CNGB3: variants seen among roughly 807,000 people sequenced by gnomAD.
CNGB3 encodes the protein cyclic nucleotide gated channel subunit beta 3.
CNGB3 carries 86 observed loss-of-function variants against 92.8 expected under a neutral mutation model. The observed-to-expected ratio is 0.93, with a 90% CI of 0.78 to 1.11. CNGB3 has a LOEUF of 1.11. Ranked by LOEUF, CNGB3 falls within the 50% of genes least tolerant of loss-of-function variation. The pLI is 0.00. For missense variants in CNGB3, 1,026 were observed against 956.8 expected, an observed-to-expected ratio of 1.07 and a Z score of -0.95; for synonymous variants, 333 against 332.7, an observed-to-expected ratio of 1.00 and a Z score of -0.01.
At chr8:86,739,167 A>C (rs2131683345) in intron 2 of CNGB3, among the ~76,000 whole-genome samples, 1 of 152,328 alleles carries the variant, frequency 6.6e-6, no homozygotes, top group East Asian at 1.9e-4. Flanking sequence ...ATCCCTGTAG[A>C]ATCGAGTGTG....
At chr8:86,736,247 A>C (rs2131680851) in intron 2 of CNGB3, among the ~76,000 whole-genome samples, 1 of 152,306 alleles carries the variant, frequency 6.6e-6, no homozygotes, top group East Asian at 1.9e-4. Context: ...CTATCTTTAA[A>C]CACTAATAAT....
chr8:86,702,864 T>G (rs527360550), intron 3 of CNGB3, among the ~76,000 whole-genome samples: 9 of 152,048 alleles, frequency 5.9e-5, no homozygotes, highest in Non-Finnish European at 8.8e-5. Context: ...TCTTCTATTT[T>G]TTAAAATAGG....
intron 3 of CNGB3, among the ~76,000 whole-genome samples, chr8:86,721,815 A>C (rs777485888): frequency 1.3e-5 from 2 of 152,166 alleles, no homozygotes; most frequent in African/African-American, 4.8e-5. Context: ...TATTTCAACT[A>C]TGAAGTCACA....
At chr8:86,587,562 C>A (rs1821925778) in intron 15 of CNGB3, among the ~76,000 whole-genome samples, 1 of 152,074 alleles carries the variant, frequency 6.6e-6, no homozygotes, top group Non-Finnish European at 1.5e-5. Flanking sequence ...ATATGGCTAG[C>A]CAGTTTTCCC....
chr8:86,636,879 G>T (rs1823082644), intron 10 of CNGB3, among the ~76,000 whole-genome samples: 1 of 152,024 alleles, frequency 6.6e-6, no homozygotes, highest in South Asian at 2.1e-4. Flanking sequence ...TGTTTATTTT[G>T]CTAGGCATAA....
At chr8:86,633,743 T>C (rs758139048) in intron 10 of CNGB3, among the ~76,000 whole-genome samples, 44 of 152,350 alleles carry the variant, frequency 2.9e-4, no homozygotes, top group Non-Finnish European at 4.4e-4. Flanking sequence ...GTGGGAATAT[T>C]ATAGAGATCA....
intron 10 of CNGB3, among the ~76,000 whole-genome samples, chr8:86,637,436 A>G (rs1823093031): frequency 6.6e-6 from 1 of 152,184 alleles, no homozygotes; most frequent in South Asian, 2.1e-4. Context: ...TACTTTAGCT[A>G]TTCGGGGTCT....
At chr8:86,689,610 G>A (rs915084056) in intron 3 of CNGB3, among the ~76,000 whole-genome samples, 5 of 150,062 alleles carry the variant, frequency 3.3e-5, no homozygotes, top group Admixed American at 6.7e-5. Context: ...TGTGCACAAC[G>A]TGCAGGTTTG....
rs188701405 is a variant in CNGB3, at chr8:86,691,941, T to C, written c.339-20843A>G. On this transcript the variant is annotated intron_variant, in intron 3 of 17. Transcript: ENST00000320005. Reference sequence around the variant, plus strand: ...GGGTTATGTCACTATTATTGTTCAGTTCAAATAATTTTTTAATGTTCATCT... The same window carrying C: ...GGGTTATGTCACTATTATTGTTCAGCTCAAATAATTTTTTAATGTTCATCT... Among the ~76,000 whole-genome samples, 28 of 152,284 alleles carry C rather than the reference T, an allele frequency of 1.8e-4. No individual in the cohort carries two copies. The East Asian group carries it at 5.4e-3, about 29-fold the overall frequency.
chr8:86,638,377 A>G (rs957346994), intron 10 of CNGB3, among the ~76,000 whole-genome samples: 1 of 152,106 alleles, frequency 6.6e-6, no homozygotes, highest in African/African-American at 2.4e-5. Flanking sequence ...TTATCCTAAC[A>G]CCTGGCATTG....
In CNGB3 at chr8:86,579,204, G is replaced by A. The variant is rs1434074707; in HGVS notation, c.1830C>T (p.Ala610=). The A allele has an allele frequency of 1.2e-6, 2 of 1,614,058 alleles. No individual in the cohort carries two copies. The highest frequency in any genetic ancestry group is 1.7e-6 in the Non-Finnish European group (2 of 1,180,004). ...GGNRRTANVV[A]HGFANLLTLD... is the part of the protein sequence containing the mutation. ...GAGTTAAAAGATTGGCAAACCCGTGGGCCACCACATTGGCAGTTCGACGGT... is the reference window on the plus strand; with the variant it reads ...GAGTTAAAAGATTGGCAAACCCGTGAGCCACCACATTGGCAGTTCGACGGT... Residue 610 remains alanine, a synonymous_variant, in exon 16 of 18, where the codon GCC becomes GCT. Coordinates refer to ENST00000320005, the MANE Select transcript of CNGB3 (RefSeq NM_019098.5).
chr8:86,712,352 T>G (rs1824765498), intron 3 of CNGB3, among the ~76,000 whole-genome samples: 1 of 152,158 alleles, frequency 6.6e-6, no homozygotes. Flanking sequence ...TTTTGAATTT[T>G]AGGACATAAT....
At chr8:86,705,312 G>A (rs771885071) in intron 3 of CNGB3, among the ~76,000 whole-genome samples, 2 of 151,966 alleles carry the variant, frequency 1.3e-5, no homozygotes, top group Non-Finnish European at 2.9e-5. Context: ...AGTCCAAATT[G>A]TACTATGCAC....
intron 10 of CNGB3, among the ~76,000 whole-genome samples, chr8:86,642,008 C>T (rs1478383431): frequency 2.0e-5 from 3 of 151,676 alleles, no homozygotes; most frequent in Non-Finnish European, 2.9e-5. Context: ...TGTTACAATG[C>T]AGATTTGGCC....
intron 14 of CNGB3, among the ~76,000 whole-genome samples, chr8:86,608,494 C>G (rs1391879398): frequency 6.6e-6 from 1 of 152,202 alleles, no homozygotes; most frequent in African/African-American, 2.4e-5. Context: ...TTAGAGAAGA[C>G]TCTGCTCCTC....
At chr8:86,600,608 T>G (rs907456117) in intron 15 of CNGB3, among the ~76,000 whole-genome samples, 7 of 150,466 alleles carry the variant, frequency 4.7e-5, no homozygotes, top group Admixed American at 6.6e-5. Context: ...AGTTCCTTTT[T>G]TTTTTCTTTT....
At chr8:86,672,010 G>A (rs1323378502) in intron 3 of CNGB3, among the ~76,000 whole-genome samples, 1 of 152,188 alleles carries the variant, frequency 6.6e-6, no homozygotes, top group East Asian at 1.9e-4. Context: ...ATTTTTGGGT[G>A]TTGTTTTAAA....
chr8:86,583,268 A>G (rs1309035082), intron 15 of CNGB3, among the ~76,000 whole-genome samples: 1 of 152,188 alleles, frequency 6.6e-6, no homozygotes, highest in African/African-American at 2.4e-5. Context: ...TTTGGTAATT[A>G]TAACCTATGG....
chr8:86,621,920 G>A (rs1415158108), intron 13 of CNGB3, among the ~76,000 whole-genome samples: 1 of 152,056 alleles, frequency 6.6e-6, no homozygotes, highest in Non-Finnish European at 1.5e-5. Context: ...AAAATTAGCT[G>A]GGCATGGTGG....
Sources: gnomAD v4.1 joint callset for allele counts (sites outside exome capture counted in the v4.1 genomes callset) on GRCh38, gnomAD v4.1.1 for gene constraint, MANE v1.5 for transcripts, NCBI Gene and HGNC (gene_info 2026-07-23, HGNC 2026-07-21) for gene names.